Variants in SDK1 observed in about 807,000 individuals in gnomAD.
The protein encoded by SDK1 is protein sidekick-1.
SDK1 carries 157 observed loss-of-function variants against 245.5 expected under a neutral mutation model. That is an observed-to-expected ratio of 0.64 (90% CI 0.56 to 0.73). The LOEUF is 0.73. Among genes scored for constraint, SDK1 ranks in the 30% least tolerant of loss-of-function variants. The pLI is 0.00. For missense variants in SDK1, 3,583 were observed against 3,002.3 expected (o/e 1.19, Z -4.52); for synonymous variants, 1,647 against 1,278.5 (o/e 1.29, Z -6.15).
chr7:4,003,578 G>C (rs1436207655), intron 14 of SDK1, among the ~76,000 whole-genome samples: 1 of 152,206 alleles, frequency 6.6e-6, no homozygotes, highest in Non-Finnish European at 1.5e-5. Context: ...GCTAGACCAG[G>C]ATTATGGGGC....
chr7:3,403,853 A>T (rs368329548), intron 1 of SDK1, among the ~76,000 whole-genome samples: 1 of 91,728 alleles, frequency 1.1e-5, no homozygotes, highest in Non-Finnish European at 2.0e-5. Context: ...ATATATATAT[A>T]TATATATATA....
At chr7:3,686,400 A>G (rs779492842) in intron 4 of SDK1, among the ~76,000 whole-genome samples, 1 of 152,212 alleles carries the variant, frequency 6.6e-6, no homozygotes, top group Non-Finnish European at 1.5e-5. Context: ...TTTTTTAAAA[A>G]TGCAGGAGCG....
chr7:3,996,855 T>G (rs1042251968), intron 14 of SDK1, among the ~76,000 whole-genome samples: 1 of 152,248 alleles, frequency 6.6e-6, no homozygotes, highest in Non-Finnish European at 1.5e-5. Flanking sequence ...TTTTAAATAA[T>G]TGGCATAGTA....
At chr7:3,776,471 A>G (rs1183812513) in intron 4 of SDK1, among the ~76,000 whole-genome samples, 1 of 152,216 alleles carries the variant, frequency 6.6e-6, no homozygotes, top group Non-Finnish European at 1.5e-5. Context: ...CTGGTTCAAT[A>G]TTATGAACCC....
At chr7:4,138,219 T>G (rs888530911) in intron 28 of SDK1, among the ~76,000 whole-genome samples, 4 of 152,146 alleles carry the variant, frequency 2.6e-5, no homozygotes, top group Non-Finnish European at 5.9e-5. Context: ...ACTGGGGCTT[T>G]GCCAGGCCTG....
At chr7:4,184,671 C>A (rs1471344596) in intron 35 of SDK1, among the ~76,000 whole-genome samples, 1 of 152,192 alleles carries the variant, frequency 6.6e-6, no homozygotes, top group African/African-American at 2.4e-5. Context: ...AGATTTTTAG[C>A]TGAGATTGAT....
At chr7:3,745,934 G>A (rs1012037684) in intron 4 of SDK1, among the ~76,000 whole-genome samples, 2 of 152,158 alleles carry the variant, frequency 1.3e-5, no homozygotes, top group Non-Finnish European at 2.9e-5. Flanking sequence ...ATGTGGGTTT[G>A]GATCCCAGCT....
chr7:3,766,795 G>C (rs1297630805), intron 4 of SDK1, among the ~76,000 whole-genome samples: 1 of 152,136 alleles, frequency 6.6e-6, no homozygotes, highest in Admixed American at 6.5e-5. Flanking sequence ...TTTCTTAGCA[G>C]TCAACAAGTA....
At chr7:3,875,823 A>C (rs1306714785) in intron 5 of SDK1, among the ~76,000 whole-genome samples, 1 of 152,106 alleles carries the variant, frequency 6.6e-6, no homozygotes, top group African/African-American at 2.4e-5. Flanking sequence ...ATCCTTGGGA[A>C]TCTCCACCTT....
chr7:4,092,718 G>C (rs1202212938), intron 22 of SDK1, among the ~76,000 whole-genome samples: 2 of 152,184 alleles, frequency 1.3e-5, no homozygotes, highest in African/African-American at 4.8e-5. Context: ...TGATGTCAGA[G>C]AGGTCTGCTG....
At chr7:4,006,068 A>C (rs1785465862) in intron 14 of SDK1, among the ~76,000 whole-genome samples, 1 of 152,198 alleles carries the variant, frequency 6.6e-6, no homozygotes, top group Non-Finnish European at 1.5e-5. Context: ...CCCTGTCTCA[A>C]AAAAGAAAAG....
At chr7:3,518,853 T>G (rs545576264) in intron 1 of SDK1, among the ~76,000 whole-genome samples, 1 of 152,274 alleles carries the variant, frequency 6.6e-6, no homozygotes, top group African/African-American at 2.4e-5. Flanking sequence ...CTTCTGTGTT[T>G]ATTGTAGCAC....
intron 4 of SDK1, among the ~76,000 whole-genome samples, chr7:3,671,201 G>T (rs554484512): frequency 2.0e-5 from 3 of 152,122 alleles, no homozygotes; most frequent in Admixed American, 1.3e-4. Context: ...TTTGGACTTC[G>T]TGTCTGTTTC....
Position 4,265,410 on chromosome 7 carries a change from C to T in SDK1, c.*26C>T. On this transcript the variant is annotated 3_prime_UTR_variant, in exon 45 of 45. Transcript: ENST00000404826. Reference sequence around the variant, plus strand: ...GCAAAGCGCCGCGCCTCCCTCAGGGCGGAACGGAGGCAACTTTCCGGAGTC... The same window carrying T: ...GCAAAGCGCCGCGCCTCCCTCAGGGTGGAACGGAGGCAACTTTCCGGAGTC... 3 of 1,412,042 alleles carry T rather than the reference C, an allele frequency of 2.1e-6. No homozygotes were observed. The highest frequency in any genetic ancestry group is 3.1e-5 in the South Asian group (2 of 64,944). The allele number at this position is 1,412,042 out of a possible 1,614,324, so 87.5% of individuals were successfully genotyped here. A position where few individuals can be genotyped will look rare whatever the true frequency, so the allele number is the denominator to read the frequency against.
chr7:3,982,992 C>T (rs373146023), intron 13 of SDK1, among the ~76,000 whole-genome samples: 1 of 152,112 alleles, frequency 6.6e-6, no homozygotes, highest in South Asian at 2.1e-4. Flanking sequence ...GTGGTGGAAA[C>T]AGCAAGAGAA....
At chr7:3,939,586 C>T (rs1479526610) in intron 5 of SDK1, among the ~76,000 whole-genome samples, 1 of 152,084 alleles carries the variant, frequency 6.6e-6, no homozygotes, top group East Asian at 1.9e-4. Flanking sequence ...TGGGGATGAC[C>T]TGGATCTCCC....
chr7:3,601,822 CCCCCCTT>C (rs1010122087), intron 1 of SDK1, among the ~76,000 whole-genome samples: 4 of 123,692 alleles, frequency 3.2e-5, no homozygotes, highest in East Asian at 5.0e-4. Flanking sequence ...TGCTATCCCT[CCCCCCTT>C]CCCCCACCCC....
rs1245247691 is a variant in SDK1 at position 4,084,704 on chromosome 7, A to ATGTTATGTTG, written c.3324+5129_3324+5130insGTGTTATGTT. Among the ~76,000 whole-genome samples, 10 of 136,656 alleles carry ATGTTATGTTG rather than the reference A, an allele frequency of 7.3e-5. No individual in the cohort carries two copies. The East Asian group carries it at 1.2e-3, about 16-fold the overall frequency. 89.7% of individuals were successfully genotyped at this position (136,656 alleles called of 152,430 possible). On this transcript the variant is annotated intron_variant, in intron 22 of 44. Transcript: ENST00000404826. ...ATGTTATGTTATGTTATGTTATGTT[A>ATGTTATGTTG]TGTTATGTTATGTTATGTTATGTTA...
At chr7:3,879,121 A>C (rs1429099241) in intron 5 of SDK1, among the ~76,000 whole-genome samples, 1 of 152,076 alleles carries the variant, frequency 6.6e-6, no homozygotes, top group East Asian at 1.9e-4. Context: ...ACAATCTGTA[A>C]TATTCTGTGT....
Sources: allele counts gnomAD v4.1 joint callset (sites outside exome capture counted in the v4.1 genomes callset), GRCh38; gene constraint gnomAD v4.1.1; transcripts MANE v1.5; gene names NCBI Gene and HGNC (gene_info 2026-07-23, HGNC 2026-07-21).